Variants in TENT2 observed in about 807,000 individuals in gnomAD.
TENT2 encodes poly(A) RNA polymerase GLD2.
Under a neutral mutation model 72.2 loss-of-function variants are expected in TENT2, and 44 were observed. The ratio of observed to expected loss-of-function variants is 0.61; its 90% CI spans 0.48 to 0.78. The LOEUF (loss-of-function observed/expected upper bound fraction) is 0.78. TENT2 is among the 30% of genes least tolerant of loss of function. The pLI, the probability that TENT2 is intolerant of heterozygous loss-of-function variation, is 0.00. For missense variants in TENT2, 541 were observed against 569.6 expected, an observed-to-expected ratio of 0.95 and a Z score of 0.51; for synonymous variants, 212 against 192.5, an observed-to-expected ratio of 1.10 and a Z score of -0.84.
At chr5:79,665,486 T>G (rs959399277) in intron 11 of TENT2, among the ~76,000 whole-genome samples, 2 of 152,242 alleles carry the variant, frequency 1.3e-5, no homozygotes, top group Non-Finnish European at 2.9e-5. Context: ...TTGCCATTAT[T>G]ATAGACAGTT....
At chr5:79,616,864 C>T (rs1760588606) in intron 1 of TENT2, among the ~76,000 whole-genome samples, 2 of 152,148 alleles carry the variant, frequency 1.3e-5, no homozygotes, top group South Asian at 4.1e-4. Context: ...GATGATGGTT[C>T]ATAGAATTTT....
intron 14 of TENT2, among the ~76,000 whole-genome samples, 164 bp downstream of exon 14, chr5:79,682,225 A>G (rs1238710719): frequency 6.6e-6 from 1 of 152,194 alleles, no homozygotes; most frequent in African/African-American, 2.4e-5. Flanking sequence ...TTTTCCTTCA[A>G]AGAGATCTGG....
intron 10 of TENT2, 105 bp downstream of exon 10, chr5:79,649,295 T>C: frequency 1.9e-6 from 2 of 1,071,210 alleles, no homozygotes; most frequent in Non-Finnish European, 1.3e-6. Flanking sequence ...TTAAAAGTTC[T>C]TTCTAAGGTC....
chr5:79,623,581 A>G (rs1766827934), intron 4 of TENT2, 92 bp downstream of exon 4: 2 of 872,140 alleles, frequency 2.3e-6, no homozygotes, highest in Non-Finnish European at 3.3e-6. Flanking sequence ...GATTAAGTAG[A>G]ACGTGCCTTT....
At chr5:79,647,809 T>C (rs1790368006) in intron 8 of TENT2, among the ~76,000 whole-genome samples, 1 of 152,144 alleles carries the variant, frequency 6.6e-6, no homozygotes, top group Non-Finnish European at 1.5e-5. Flanking sequence ...TTTTTATACA[T>C]TGCATCATTA....
chr5:79,665,828 T>G (rs1807173913), intron 11 of TENT2, among the ~76,000 whole-genome samples: 1 of 152,124 alleles, frequency 6.6e-6, no homozygotes, highest in Admixed American at 6.5e-5. Context: ...TAAGGCTGCT[T>G]TTTTTCTCTT....
At chr5:79,637,229 CAAAAAA>C (rs56715544) in intron 4 of TENT2, among the ~76,000 whole-genome samples, 10 of 148,382 alleles carry the variant, frequency 6.7e-5, no homozygotes, top group African/African-American at 2.5e-4. Flanking sequence ...GACCATGTAT[CAAAAAA>C]AAAAAATTGT....
At chr5:79,679,173 A>G (rs1819779768) in intron 12 of TENT2, among the ~76,000 whole-genome samples, 1 of 152,134 alleles carries the variant, frequency 6.6e-6, no homozygotes, top group Admixed American at 6.5e-5. Context: ...CAAAGTGCTG[A>G]GATTACAGGA....
chr5:79,619,961 A>G (rs1427668133), intron 2 of TENT2, 33 bp from the exon 3 acceptor site: 8 of 1,522,088 alleles, frequency 5.3e-6, no homozygotes, highest in Non-Finnish European at 7.1e-6. Flanking sequence ...AAAAATATGT[A>G]TAAATTACTG....
At chr5:79,619,879 A>C (rs928706652) in intron 2 of TENT2, 94 bp downstream of exon 2, 56 of 1,497,602 alleles carry the variant, frequency 3.7e-5, no homozygotes, top group Non-Finnish European at 4.3e-5. Context: ...AACATGGAGA[A>C]TATGTCGTCA....
chr5:79,687,628 T>C lies in TENT2; in HGVS notation c.*2355T>C, dbSNP rs1256396900. Among the ~76,000 whole-genome samples the C allele has an allele frequency of 6.6e-6, 1 of 152,242 alleles. No individual in the cohort carries two copies. The highest frequency in any genetic ancestry group is 2.4e-5 in the African/African-American group (1 of 41,462). On this transcript the variant is annotated 3_prime_UTR_variant, in exon 15 of 15. Transcript: ENST00000453514. ...AAAGTCTATACCTGTTCGGTACAGATGCAACCATTCTGCCTCCTCCCTACC... is the reference window on the plus strand; with the variant it reads ...AAAGTCTATACCTGTTCGGTACAGACGCAACCATTCTGCCTCCTCCCTACC...
intron 8 of TENT2, among the ~76,000 whole-genome samples, chr5:79,647,413 A>G (rs1038182433): frequency 6.6e-6 from 1 of 152,112 alleles, no homozygotes; most frequent in African/African-American, 2.4e-5. Flanking sequence ...TTTCTTTTCT[A>G]TTGAGTTACT....
At chr5:79,679,791 G>GTTTAAAATTTTTAAATTTAAAAAGTCA (rs1268586361) in intron 13 of TENT2, 121 bp downstream of exon 13, 10 of 531,036 alleles carry the variant, frequency 1.9e-5, no homozygotes, top group African/African-American at 1.4e-4. Flanking sequence ...AAGTCTTTTA[G>GTTTAAAATTTTTAAATTTAAAAAGTCA]TTTAAAATTT....
chr5:79,633,742 A>G (rs1034746809), intron 4 of TENT2, among the ~76,000 whole-genome samples: 1 of 132,940 alleles, frequency 7.5e-6, no homozygotes, highest in Non-Finnish European at 1.6e-5. Flanking sequence ...TTTTTTTTCC[A>G]CTTTCTTTTA....
At chr5:79,651,794 G>A (rs1339628126) in intron 10 of TENT2, among the ~76,000 whole-genome samples, 1 of 151,972 alleles carries the variant, frequency 6.6e-6, no homozygotes, top group African/African-American at 2.4e-5. Context: ...TTTGACTAAA[G>A]TGTTTATGTT....
At chr5:79,642,755 T>C in intron 6 of TENT2, 77 bp from the exon 7 acceptor site, 1 of 1,139,482 alleles carries the variant, frequency 8.8e-7, no homozygotes, top group South Asian at 1.4e-5. Context: ...TGTTTTCTTT[T>C]TGTTGAGATA....
At chr5:79,618,250 A>G (rs1172417883) in intron 1 of TENT2, among the ~76,000 whole-genome samples, 3 of 152,134 alleles carry the variant, frequency 2.0e-5, no homozygotes, top group African/African-American at 4.8e-5. Context: ...TTTGTGAGAT[A>G]GGGTCTTGCC....
intron 7 of TENT2, among the ~76,000 whole-genome samples, chr5:79,643,739 G>A (rs1052812207): frequency 5.9e-5 from 9 of 151,944 alleles, no homozygotes; most frequent in African/African-American, 2.2e-4. Flanking sequence ...ATTTTTAATA[G>A]CTATTTGAAT....
At chr5:79,650,480 CAAT>C (rs1425607718) in intron 10 of TENT2, among the ~76,000 whole-genome samples, 1 of 151,644 alleles carries the variant, frequency 6.6e-6, no homozygotes, top group African/African-American at 2.4e-5. Flanking sequence ...GTGATATGCT[CAAT>C]AATAATTATT....
Sources: gnomAD v4.1 joint callset for allele counts (sites outside exome capture counted in the v4.1 genomes callset) on GRCh38, gnomAD v4.1.1 for gene constraint, MANE v1.5 for transcripts, NCBI Gene and HGNC (gene_info 2026-07-23, HGNC 2026-07-21) for gene names.